Variants in CAMK4 observed in about 807,000 individuals in gnomAD.
The protein encoded by CAMK4 is calcium/calmodulin dependent protein kinase IV.
A neutral mutation model predicts 44.9 loss-of-function variants in CAMK4; 22 were observed. The ratio of observed to expected loss-of-function variants is 0.49; its 90% confidence interval spans 0.35 to 0.70. CAMK4 has a LOEUF of 0.70. CAMK4 is among the 30% of genes least tolerant of loss of function. The pLI, the probability that CAMK4 is intolerant of heterozygous loss-of-function variation, is 0.01. For synonymous variants in CAMK4, 218 were observed against 215.4 expected (o/e 1.01, Z -0.11); for missense variants, 498 against 586.8 (o/e 0.85, Z 1.56).
At chr5:111,441,279 AT>A (rs1753814052) in intron 5 of CAMK4, among the ~76,000 whole-genome samples, 1 of 152,212 alleles carries the variant, frequency 6.6e-6, no homozygotes, top group Non-Finnish European at 1.5e-5. Flanking sequence ...TATATTAAAA[AT>A]ATGTTAGTCT....
At chr5:111,316,272 G>A (rs149989902) in intron 1 of CAMK4, among the ~76,000 whole-genome samples, 15 of 152,210 alleles carry the variant, frequency 9.9e-5, no homozygotes, top group African/African-American at 3.6e-4. Flanking sequence ...GATCAGCTCA[G>A]TTCTTTTTCT....
rs139004418 is a variant in CAMK4 at position 111,486,542 on chromosome 5, C to CACAT, written c.*2076_*2077insACAT. Reference sequence around the variant, plus strand: ...ACACACACACACACACACACACACACGTGTTGGAAGAGCAAAGAGAGGGAA... The same window carrying CACAT: ...ACACACACACACACACACACACACACACATGTGTTGGAAGAGCAAAGAGAGGGAA... On this transcript the variant is annotated 3_prime_UTR_variant, in exon 11 of 11. Coordinates refer to ENST00000282356, the MANE Select transcript of CAMK4 (RefSeq NM_001744.6). 17,989 of 147,160 alleles carry CACAT rather than the reference C, an allele frequency of 0.12. 1,362 individuals carry two copies. The highest frequency in any genetic ancestry group is 0.14 in the Admixed American group (2,095 of 14,626). The allele number at this position is 147,160 out of a possible 1,614,324, so 9.1% of individuals were successfully genotyped here.
intron 1 of CAMK4, among the ~76,000 whole-genome samples, chr5:111,241,856 G>T (rs926976996): frequency 6.6e-6 from 1 of 152,186 alleles, no homozygotes; most frequent in African/African-American, 2.4e-5. Context: ...GTTACAGAGC[G>T]GAGCACATTG....
intron 7 of CAMK4, among the ~76,000 whole-genome samples, chr5:111,459,686 CTTTTTTTTT>C (rs56176713): frequency 1.2e-4 from 10 of 86,682 alleles, no homozygotes; most frequent in South Asian, 3.9e-4. Context: ...TAGAGACAGT[CTTTTTTTTT>C]TTTTTTTTTT....
chr5:111,447,464 T>A (rs532045731), intron 6 of CAMK4, among the ~76,000 whole-genome samples: 27 of 152,358 alleles, frequency 1.8e-4, no homozygotes, highest in Middle Eastern at 3.4e-3. Context: ...GAGACTTTTT[T>A]AAAATTTTTA....
At chr5:111,383,742 A>G (rs561436515) in intron 4 of CAMK4, among the ~76,000 whole-genome samples, 63 of 152,008 alleles carry the variant, frequency 4.1e-4, no homozygotes, top group African/African-American at 1.4e-3. Context: ...TGGGATTACA[A>G]GCATGAGTCA....
At chr5:111,406,619 C>T (rs1752442382) in intron 5 of CAMK4, among the ~76,000 whole-genome samples, 1 of 152,036 alleles carries the variant, frequency 6.6e-6, no homozygotes, top group Non-Finnish European at 1.5e-5. Context: ...TTTTAAAGAC[C>T]CACTAAAGCT....
intron 4 of CAMK4, among the ~76,000 whole-genome samples, chr5:111,389,559 G>T (rs1376791282): frequency 6.6e-6 from 1 of 152,178 alleles, no homozygotes; most frequent in Non-Finnish European, 1.5e-5. Flanking sequence ...CATGGTTGTG[G>T]AAGTTGGCTC....
At chr5:111,448,068 G>T (rs1177011449) in intron 6 of CAMK4, among the ~76,000 whole-genome samples, 1 of 152,204 alleles carries the variant, frequency 6.6e-6, no homozygotes, top group East Asian at 1.9e-4. Flanking sequence ...TATCTTTGAA[G>T]TCTAAAATGG....
intron 1 of CAMK4, among the ~76,000 whole-genome samples, chr5:111,329,252 G>C (rs994320217): frequency 6.6e-6 from 1 of 151,836 alleles, no homozygotes; most frequent in Admixed American, 6.6e-5. Context: ...CTATCTATGA[G>C]AAACCCACAG....
At chr5:111,420,052 A>G (rs1752968012) in intron 5 of CAMK4, among the ~76,000 whole-genome samples, 2 of 151,490 alleles carry the variant, frequency 1.3e-5, no homozygotes, top group South Asian at 4.2e-4. Context: ...CATTTTCACG[A>G]TATTGATTCT....
At chr5:111,327,255 G>A (rs1748936725) in intron 1 of CAMK4, among the ~76,000 whole-genome samples, 1 of 151,744 alleles carries the variant, frequency 6.6e-6, no homozygotes, top group Non-Finnish European at 1.5e-5. Context: ...GAGAACATGT[G>A]GTGTTTGGTT....
intron 4 of CAMK4, among the ~76,000 whole-genome samples, chr5:111,392,134 G>C (rs900483253): frequency 6.6e-6 from 1 of 152,048 alleles, no homozygotes; most frequent in Admixed American, 6.6e-5. Flanking sequence ...GTATTAGTCT[G>C]TTCTCATACA....
chr5:111,316,755 A>G lies in CAMK4; in HGVS notation c.162-27269A>G, dbSNP rs150274130. 2.6e-3 allele frequency among the ~76,000 whole-genome samples: 400 copies of G among 152,312 alleles called. 3 individuals are homozygous for G. The highest frequency in any genetic ancestry group is 4.2e-3 in the Non-Finnish European group (287 of 68,018). On this transcript the variant is annotated intron_variant, in intron 1 of 10. Transcript: ENST00000282356. Reference sequence around the variant, plus strand: ...ACCTCAGTGCTTTTCTGGCATTGATAAATCACCAGGAGCAAGCAATCTATA... The same window carrying G: ...ACCTCAGTGCTTTTCTGGCATTGATGAATCACCAGGAGCAAGCAATCTATA...
intron 1 of CAMK4, among the ~76,000 whole-genome samples, chr5:111,260,904 T>A: frequency 6.6e-6 from 1 of 152,202 alleles, no homozygotes; most frequent in Admixed American, 6.5e-5. Context: ...ATTGATTATC[T>A]TTTATCCTCA....
chr5:111,265,632 A>G (rs1238766980), intron 1 of CAMK4, among the ~76,000 whole-genome samples: 1 of 152,194 alleles, frequency 6.6e-6, no homozygotes, highest in Non-Finnish European at 1.5e-5. Flanking sequence ...ACATGAGAGT[A>G]AGATATTTAC....
chr5:111,281,262 T>TG (rs1751004194), intron 1 of CAMK4, among the ~76,000 whole-genome samples: 1 of 152,220 alleles, frequency 6.6e-6, no homozygotes, highest in Non-Finnish European at 1.5e-5. Context: ...GCTTTGCTCC[T>TG]GGGGGCTTAT....
chr5:111,431,991 T>C (rs1753462632), intron 5 of CAMK4, among the ~76,000 whole-genome samples: 1 of 152,162 alleles, frequency 6.6e-6, no homozygotes, highest in African/African-American at 2.4e-5. Flanking sequence ...GATCCAGCAA[T>C]CCCATTGTTG....
chr5:111,483,085 A>G (rs777277832), intron 10 of CAMK4, 148 bp downstream of exon 10: 27 of 630,068 alleles, frequency 4.3e-5, no homozygotes, highest in Non-Finnish European at 4.5e-5. Flanking sequence ...TGAAACTCCA[A>G]TAAGGCTGAC....
Sources: allele counts gnomAD v4.1 joint callset (sites outside exome capture counted in the v4.1 genomes callset), GRCh38; gene constraint gnomAD v4.1.1; transcripts MANE v1.5; gene names NCBI Gene and HGNC (gene_info 2026-07-23, HGNC 2026-07-21).